SOBP: variants seen among roughly 807,000 people sequenced by gnomAD.
SOBP encodes the protein sine oculis-binding protein homolog.
Under a neutral mutation model 53.6 loss-of-function variants are expected in SOBP, and 4 were observed. The observed-to-expected ratio is 0.07, with a 90% confidence interval of 0.04 to 0.17. The LOEUF is 0.17. Ranked by LOEUF, SOBP falls within the 10% of genes least tolerant of loss-of-function variation. The pLI is 1.00. For missense variants in SOBP, 1,088 were observed against 1,204.7 expected, an observed-to-expected ratio of 0.90 and a Z score of 1.43; for synonymous variants, 584 against 522.6, an observed-to-expected ratio of 1.12 and a Z score of -1.60.
rs888718946 is a variant in SOBP, at chr6:107,660,535, G to C, written c.*2332G>C. ...GTTCAAGAAGCACCATCAAATGGAG[G>C]CAAACATGCTCCACGGGTTCCACTC... is the stretch of plus-strand genomic sequence containing the variant. On this transcript the variant is annotated 3_prime_UTR_variant, in exon 7 of 7. Coordinates refer to ENST00000317357, the MANE Select transcript of SOBP (RefSeq NM_018013.4). Among the ~76,000 whole-genome samples the C allele has an allele frequency of 2.0e-5, 3 of 152,160 alleles. No homozygotes were observed. The highest frequency in any genetic ancestry group is 4.4e-5 in the Non-Finnish European group (3 of 68,018).
chr6:107,552,862 G>T (rs1298106572), intron 4 of SOBP, among the ~76,000 whole-genome samples: 1 of 152,098 alleles, frequency 6.6e-6, no homozygotes, highest in Non-Finnish European at 1.5e-5. Context: ...GTTAGAAACT[G>T]CAGTGAGCTA....
intron 1 of SOBP, among the ~76,000 whole-genome samples, chr6:107,493,061 A>T (rs531468444): frequency 6.6e-6 from 1 of 152,274 alleles, no homozygotes; most frequent in East Asian, 1.9e-4. Flanking sequence ...TTTAATATTA[A>T]TAATCACATC....
chr6:107,524,359 A>T (rs1244419595), intron 3 of SOBP, among the ~76,000 whole-genome samples: 1 of 152,224 alleles, frequency 6.6e-6, no homozygotes, highest in East Asian at 1.9e-4. Context: ...CCATGATTGC[A>T]GCATCATTGT....
At chr6:107,637,434 C>T (rs1771096131) in intron 6 of SOBP, among the ~76,000 whole-genome samples, 1 of 152,260 alleles carries the variant, frequency 6.6e-6, no homozygotes, top group South Asian at 2.1e-4. Context: ...AAAATGAGTT[C>T]ACCATTCCTT....
Position 107,490,469 on chromosome 6 carries a change from C to T in SOBP, c.-148C>T, listed in dbSNP as rs922369139. The T allele has an allele frequency of 9.8e-6, 6 of 610,738 alleles. No homozygotes were observed. Among genetic ancestry groups the T allele is most frequent in the African/African-American group, 1.9e-5 (1 of 53,288 alleles). 37.8% of individuals were successfully genotyped at this position (610,738 alleles called of 1,614,324 possible). ...CCCGCTTCTCGGCGCCTGCCCTCCC[C>T]CTCGCGGCTCGGTCCGGCCCCGCCA... is the stretch of plus-strand genomic sequence containing the variant. On this transcript the variant is annotated 5_prime_UTR_variant, in exon 1 of 7. Coordinates refer to ENST00000317357, the MANE Select transcript of SOBP (RefSeq NM_018013.4).
intron 3 of SOBP, among the ~76,000 whole-genome samples, chr6:107,510,360 G>A (rs1044444835): frequency 1.3e-5 from 2 of 152,170 alleles, no homozygotes; most frequent in Admixed American, 6.5e-5. Flanking sequence ...GGACTTTGCC[G>A]AGGTGCAGTA....
chr6:107,557,045 A>C (rs1182051844), intron 4 of SOBP, among the ~76,000 whole-genome samples: 1 of 152,212 alleles, frequency 6.6e-6, no homozygotes, highest in African/African-American at 2.4e-5. Flanking sequence ...ACTTCAACTT[A>C]ATCTCTCCTT....
At chr6:107,617,769 T>C (rs1030914789) in intron 5 of SOBP, among the ~76,000 whole-genome samples, 7 of 151,448 alleles carry the variant, frequency 4.6e-5, no homozygotes, top group Non-Finnish European at 1.0e-4. Flanking sequence ...ATGCTCTCTC[T>C]TAAAGTGCCT....
intron 4 of SOBP, among the ~76,000 whole-genome samples, chr6:107,577,744 G>A (rs1044307065): frequency 8.5e-5 from 13 of 152,184 alleles, no homozygotes; most frequent in Admixed American, 3.9e-4. Flanking sequence ...TGTCATACTC[G>A]ATGATCTGAA....
intron 5 of SOBP, among the ~76,000 whole-genome samples, chr6:107,589,725 G>T (rs1785682902): frequency 6.6e-6 from 1 of 152,078 alleles, no homozygotes; most frequent in South Asian, 2.1e-4. Flanking sequence ...TATTAATTTT[G>T]AAAATGAAAG....
chr6:107,535,622 T>G (rs975297747), intron 4 of SOBP, among the ~76,000 whole-genome samples: 9 of 148,252 alleles, frequency 6.1e-5, no homozygotes, highest in Non-Finnish European at 1.5e-5. Flanking sequence ...CTTGTGTGTG[T>G]GTGTGTGTGT....
At chr6:107,493,462 C>G (rs1426796792) in intron 1 of SOBP, among the ~76,000 whole-genome samples, 1 of 152,120 alleles carries the variant, frequency 6.6e-6, no homozygotes, top group African/African-American at 2.4e-5. Context: ...GAAAAGTCAG[C>G]CTGGGAAGTG....
chr6:107,627,979 A>C (rs1770535944), intron 5 of SOBP, among the ~76,000 whole-genome samples: 2 of 152,170 alleles, frequency 1.3e-5, no homozygotes, highest in African/African-American at 4.8e-5. Context: ...GGGGTCATCC[A>C]GTCTTAAAAG....
intron 4 of SOBP, among the ~76,000 whole-genome samples, chr6:107,564,826 A>G (rs957630158): frequency 3.3e-5 from 5 of 152,196 alleles, no homozygotes; most frequent in African/African-American, 1.2e-4. Flanking sequence ...GACCTGAGAT[A>G]CCAAATATTT....
At chr6:107,503,555 G>C (rs914528669) in intron 1 of SOBP, 102 bp from the exon 2 acceptor site, 12 of 1,285,700 alleles carry the variant, frequency 9.3e-6, no homozygotes, top group Non-Finnish European at 1.3e-5. Context: ...GTGAGGCAGG[G>C]CTGCAAATAA....
chr6:107,507,571 G>T (rs1013442877), intron 3 of SOBP, among the ~76,000 whole-genome samples: 10 of 152,262 alleles, frequency 6.6e-5, no homozygotes, highest in Admixed American at 5.2e-4. Context: ...CTCTCAAAGT[G>T]CTGGGATTAC....
intron 1 of SOBP, among the ~76,000 whole-genome samples, chr6:107,494,892 C>T (rs939055725): frequency 1.3e-5 from 2 of 152,056 alleles, no homozygotes; most frequent in African/African-American, 4.8e-5. Flanking sequence ...TAACCTGTGT[C>T]AATTGCACAG....
chr6:107,586,568 G>C (rs1241375076), intron 4 of SOBP, among the ~76,000 whole-genome samples: 1 of 150,298 alleles, frequency 6.7e-6, no homozygotes, highest in East Asian at 1.9e-4. Flanking sequence ...GTTCTTACCA[G>C]ATCATCGCTC....
intron 3 of SOBP, 119 bp downstream of exon 3, chr6:107,506,546 A>G (rs1782999155): frequency 7.1e-6 from 8 of 1,127,688 alleles, no homozygotes; most frequent in South Asian, 1.3e-5. Flanking sequence ...GGGACCTTAT[A>G]GGTAAGAAAT....
Sources: gnomAD v4.1 joint callset for allele counts (sites outside exome capture counted in the v4.1 genomes callset) on GRCh38, gnomAD v4.1.1 for gene constraint, MANE v1.5 for transcripts, NCBI Gene and HGNC (gene_info 2026-07-23, HGNC 2026-07-21) for gene names.